Variants in CRTAM observed in about 807,000 individuals in gnomAD.
CRTAM encodes cytotoxic and regulatory T-cell molecule.
A neutral mutation model predicts 50.0 loss-of-function variants in CRTAM; 44 were observed. The ratio of observed to expected loss-of-function variants is 0.88; its 90% CI spans 0.69 to 1.13. The LOEUF (loss-of-function observed/expected upper bound fraction) is 1.13. Ranked by LOEUF, CRTAM falls within the 50% of genes most tolerant of loss-of-function variation. CRTAM has a pLI of 0.00. For missense variants in CRTAM, 448 were observed against 457.5 expected (o/e 0.98, Z 0.19); for synonymous variants, 159 against 169.3 (o/e 0.94, Z 0.47).
At chr11:122,860,842 C>A (rs958266901) in intron 5 of CRTAM, among the ~76,000 whole-genome samples, 1 of 151,944 alleles carries the variant, frequency 6.6e-6, no homozygotes, top group Non-Finnish European at 1.5e-5. Flanking sequence ...GTAGTTGGAA[C>A]TACAGGGGCG....
chr11:122,857,691 G>A (rs1367012889), intron 5 of CRTAM, among the ~76,000 whole-genome samples: 2 of 152,150 alleles, frequency 1.3e-5, no homozygotes, highest in African/African-American at 4.8e-5. Flanking sequence ...ATTACTAGCT[G>A]AGGATGCTTT....
chr11:122,848,724 G>A (rs1215610646), intron 1 of CRTAM, among the ~76,000 whole-genome samples: 3 of 152,022 alleles, frequency 2.0e-5, no homozygotes, highest in Non-Finnish European at 4.4e-5. Context: ...CTTTTTTGTT[G>A]TTGTTGTTAA....
chr11:122,858,873 T>C (rs1354469961), intron 5 of CRTAM, among the ~76,000 whole-genome samples: 1 of 152,138 alleles, frequency 6.6e-6, no homozygotes, highest in African/African-American at 2.4e-5. Flanking sequence ...TGGTTTTCTA[T>C]TACTTACCTG....
At chr11:122,858,740 G>T (rs1862035815) in intron 5 of CRTAM, among the ~76,000 whole-genome samples, 1 of 152,112 alleles carries the variant, frequency 6.6e-6, no homozygotes, top group South Asian at 2.1e-4. Flanking sequence ...TGGTGCCCAG[G>T]CTGGTCTGAA....
At position 122,850,019 on chromosome 11, in the gene CRTAM, G is replaced by A. The variant is rs761823018; in HGVS notation, c.47-49G>A. On this transcript the variant is annotated intron_variant, in intron 1 of 9. Transcript: ENST00000227348. Reference sequence around the variant, plus strand: ...TGAATGAACGAGACAAAATCCCTGAGACACTGTGGACCCCCGGCCTGATCA... The same window carrying A: ...TGAATGAACGAGACAAAATCCCTGAAACACTGTGGACCCCCGGCCTGATCA... 8.8e-6 allele frequency: 13 copies of A among 1,482,388 alleles called. No individual in the cohort carries two copies. The East Asian group carries it at 3.0e-4, about 35-fold the overall frequency. The allele number at this position is 1,482,388 out of a possible 1,614,324, so 91.8% of individuals were successfully genotyped here. A position where few individuals can be genotyped will look rare whatever the true frequency, so the allele number is the denominator to read the frequency against.
chr11:122,869,534 A>G (rs1483976991), intron 9 of CRTAM, among the ~76,000 whole-genome samples: 1 of 152,162 alleles, frequency 6.6e-6, no homozygotes, highest in African/African-American at 2.4e-5. Flanking sequence ...GAGGTTGGGG[A>G]TTGTATTCTT....
intron 5 of CRTAM, among the ~76,000 whole-genome samples, chr11:122,858,398 A>G (rs562537658): frequency 2.2e-4 from 33 of 151,764 alleles, no homozygotes; most frequent in East Asian, 1.9e-4. Flanking sequence ...GCTAATTTTC[A>G]TATATTTTGT....
chr11:122,862,411 G>A (rs1862098039), intron 5 of CRTAM, 53 bp from the exon 6 acceptor site: 2 of 1,092,860 alleles, frequency 1.8e-6, no homozygotes, highest in Non-Finnish European at 2.8e-6. Context: ...TGAGCACAAT[G>A]TGGGTAAAAC....
intron 5 of CRTAM, chr11:122,862,234 C>G: frequency 1.8e-6 from 1 of 545,810 alleles, no homozygotes; most frequent in Admixed American, 3.1e-5. Flanking sequence ...TGCCACCACA[C>G]AGAGGTCCAG....
intron 5 of CRTAM, among the ~76,000 whole-genome samples, chr11:122,856,255 T>G (rs1862005908): frequency 6.6e-6 from 1 of 152,254 alleles, no homozygotes; most frequent in Non-Finnish European, 1.5e-5. Context: ...TTTATGTGAA[T>G]ATGAAACACA....
chr11:122,848,840 T>C (rs1022712692), intron 1 of CRTAM, among the ~76,000 whole-genome samples: 1 of 152,218 alleles, frequency 6.6e-6, no homozygotes, highest in African/African-American at 2.4e-5. Flanking sequence ...TTGATAAGAA[T>C]TGCCTTTTCC....
chr11:122,862,979 T>C (rs1197177355), intron 6 of CRTAM, among the ~76,000 whole-genome samples: 1 of 152,218 alleles, frequency 6.6e-6, no homozygotes, highest in Non-Finnish European at 1.5e-5. Flanking sequence ...AGATTTGGTG[T>C]TGTCATTGAA....
At position 122,850,162 on chromosome 11, in the gene CRTAM, C is replaced by G. The variant is rs1195833706; in HGVS notation, c.141C>G (p.Ser47=). 2 of 1,613,590 alleles carry G rather than the reference C, an allele frequency of 1.2e-6. No homozygotes were observed. The highest frequency in any genetic ancestry group is 2.2e-5 in the South Asian group (2 of 91,020). ...KCVTSLRKNS[S]LQWLTPSGFT... The stretch of plus-strand genomic sequence containing the variant: ...TCACTTCTCTGAGGAAGAACTCCTC[C>G]CTCCAGTGGCTGACCCCCTCAGGGT... Residue 47 remains serine, a synonymous_variant, in exon 2 of 10, where the codon TCC becomes TCG. Transcript: ENST00000227348.
chr11:122,864,998 T>C (rs1040282945), intron 7 of CRTAM, among the ~76,000 whole-genome samples: 1 of 152,098 alleles, frequency 6.6e-6, no homozygotes, highest in Admixed American at 6.6e-5. Flanking sequence ...TACTTCTGAT[T>C]TTACTTCTCC....
chr11:122,871,688 G>A lies in CRTAM; in HGVS notation c.*289G>A, dbSNP rs1862256178. Reference sequence around the variant, plus strand: ...GCCTTGGGGATCAGGGTCAGTGTGAGCAGCTAACATCCTACCTCAAATGGA... The same window carrying A: ...GCCTTGGGGATCAGGGTCAGTGTGAACAGCTAACATCCTACCTCAAATGGA... On this transcript the variant is annotated 3_prime_UTR_variant, in exon 10 of 10. Transcript: ENST00000227348. The A allele has an allele frequency of 5.0e-6, 1 of 199,884 alleles. No individual in the cohort carries two copies. Among genetic ancestry groups the A allele is most frequent in the Admixed American group, 5.9e-5 (1 of 16,818 alleles). The allele number at this position is 199,884 out of a possible 1,614,324, so 12.4% of individuals were successfully genotyped here.
chr11:122,843,922 TC>T (rs887717026), intron 1 of CRTAM, among the ~76,000 whole-genome samples: 99 of 152,330 alleles, frequency 6.5e-4, no homozygotes, highest in African/African-American at 2.2e-3. Flanking sequence ...GGGCTATTCT[TC>T]CCTTCTACAG....
In CRTAM at chr11:122,855,693, A is replaced by G; in HGVS notation, c.491-2A>G. On this transcript the variant is annotated splice_acceptor_variant, in intron 4 of 9. Transcript: ENST00000227348. LOFTEE classifies it high-confidence loss of function. ...CCATAACCTCTTCAAATTGCTACAT[A>G]GGTGGAACGCTCCATGAATTTGAAA... The G allele has an allele frequency of 6.2e-7, 1 of 1,613,792 alleles. No individual in the cohort carries two copies. Among genetic ancestry groups the G allele is most frequent in the Non-Finnish European group, 8.5e-7 (1 of 1,179,762 alleles).
chr11:122,840,402 C>T (rs1028244592), intron 1 of CRTAM, among the ~76,000 whole-genome samples: 1 of 151,960 alleles, frequency 6.6e-6, no homozygotes, highest in Non-Finnish European at 1.5e-5. Context: ...GTATTTATTT[C>T]ATGAAACTTC....
chr11:122,854,214 T>C (rs964246685), intron 4 of CRTAM, 128 bp downstream of exon 4: 12 of 862,778 alleles, frequency 1.4e-5, no homozygotes, highest in Non-Finnish European at 1.9e-5. Context: ...TCAGCTCTTT[T>C]CCAGACAAGT....
Sources: gnomAD v4.1 joint callset for allele counts (sites outside exome capture counted in the v4.1 genomes callset) on GRCh38, gnomAD v4.1.1 for gene constraint, MANE v1.5 for transcripts, NCBI Gene and HGNC (gene_info 2026-07-23, HGNC 2026-07-21) for gene names.